Variants in DPP3 observed in about 807,000 individuals in gnomAD.
DPP3 encodes the protein DPP III.
In DPP3, 64 loss-of-function variants were observed where a neutral mutation model predicts 89.8. The ratio of observed to expected loss-of-function variants is 0.71; its 90% CI spans 0.58 to 0.88. The LOEUF (loss-of-function observed/expected upper bound fraction) is 0.88. Among genes scored for constraint, DPP3 ranks in the 40% least tolerant of loss-of-function variants. The pLI, the probability that DPP3 is intolerant of heterozygous loss-of-function variation, is 0.00. For missense variants in DPP3, 835 were observed against 972.5 expected, an observed-to-expected ratio of 0.86 and a Z score of 1.88; for synonymous variants, 377 against 404.3, an observed-to-expected ratio of 0.93 and a Z score of 0.81.
At chr11:66,485,919 TTTC>T (rs1449606514) in intron 3 of DPP3, among the ~76,000 whole-genome samples, 1 of 122,732 alleles carries the variant, frequency 8.1e-6, no homozygotes, top group Non-Finnish European at 1.6e-5. Context: ...TAAATTTTCT[TTTC>T]TTTTCTTTTC....
intron 16 of DPP3, among the ~76,000 whole-genome samples, chr11:66,502,270 G>A (rs562366374): frequency 6.6e-5 from 10 of 151,214 alleles, no homozygotes; most frequent in African/African-American, 2.4e-4. Flanking sequence ...AGAAGCAGCT[G>A]AACTAACTCT....
chr11:66,490,145 T>TAAAA (rs201526861), intron 6 of DPP3, among the ~76,000 whole-genome samples: 2 of 94,824 alleles, frequency 2.1e-5, no homozygotes, highest in African/African-American at 6.7e-5. Flanking sequence ...AGATCCTATC[T>TAAAA]AAAAAAAAAA....
At position 66,495,769 on chromosome 11, in the gene DPP3, C is replaced by A; in HGVS notation, c.1698+19C>A. On this transcript the variant is annotated intron_variant, in intron 15 of 17. Coordinates refer to ENST00000531863, the MANE Select transcript of DPP3 (RefSeq NM_130443.4). ...GCGACAGGTAGGGCCTAGGTGGAGCCCCCTGGAGGCGGAAGGGAGCCTGCA... is the reference window on the plus strand; with the variant it reads ...GCGACAGGTAGGGCCTAGGTGGAGCACCCTGGAGGCGGAAGGGAGCCTGCA... The A allele has an allele frequency of 6.3e-7, 1 of 1,589,580 alleles. No individual in the cohort carries two copies. The highest frequency in any genetic ancestry group is 8.6e-7 in the Non-Finnish European group (1 of 1,168,690).
chr11:66,504,589 C>T (rs1301332915), intron 16 of DPP3, 23 bp from the exon 17 acceptor site: 1 of 1,592,570 alleles, frequency 6.3e-7, no homozygotes, highest in South Asian at 1.1e-5. Context: ...CCATCCTAGA[C>T]ATTTACTCCA....
intron 15 of DPP3, among the ~76,000 whole-genome samples, chr11:66,496,164 T>C (rs987453577): frequency 2.0e-5 from 3 of 152,248 alleles, no homozygotes; most frequent in Admixed American, 6.5e-5. Flanking sequence ...TTCGCATCCA[T>C]ACAGTGCCTA....
At chr11:66,491,142 G>A (rs769977245) in intron 6 of DPP3, 111 bp from the exon 7 acceptor site, 132 of 1,515,444 alleles carry the variant, frequency 8.7e-5, no homozygotes, top group Non-Finnish European at 1.2e-4. Flanking sequence ...AAATCTTAGA[G>A]TGAAAGAGTG....
intron 9 of DPP3, among the ~76,000 whole-genome samples, chr11:66,492,175 G>A (rs1855410702): frequency 6.6e-6 from 1 of 152,224 alleles, no homozygotes; most frequent in African/African-American, 2.4e-5. Context: ...GAGCACCAAT[G>A]TGATTAGGAT....
At chr11:66,484,056 C>T (rs1365403715) in intron 2 of DPP3, among the ~76,000 whole-genome samples, 2 of 152,032 alleles carry the variant, frequency 1.3e-5, no homozygotes, top group Non-Finnish European at 2.9e-5. Context: ...CAGCTCACTG[C>T]AACCTCCAAC....
intron 16 of DPP3, among the ~76,000 whole-genome samples, chr11:66,502,535 T>TC (rs1464927176): frequency 6.6e-6 from 1 of 151,832 alleles, no homozygotes; most frequent in Non-Finnish European, 1.5e-5. Flanking sequence ...AGTGGCGTGA[T>TC]CTCAGCTCAC....
Position 66,509,250 on chromosome 11 carries a change from G to C in DPP3, c.2213G>C (p.Ter738SerextTer25). 1 of 1,607,390 alleles carries C rather than the reference G, an allele frequency of 6.2e-7. No individual in the cohort carries two copies. Among genetic ancestry groups the C allele is most frequent in the Non-Finnish European group, 8.5e-7 (1 of 1,176,760 alleles). ...AGTGAGGCCCCATCTGGCCAAGCTT[G>C]AGGAAGATGTGTGGCCTTGCCCCCA... ...GPSEAPSGQA[*>S] Residue 738 changes from the stop codon to serine, a stop_lost, in exon 18 of 18, where the codon TGA becomes TCA. Transcript: ENST00000531863.
intron 1 of DPP3, chr11:66,481,105 G>A (rs1288131577): frequency 1.3e-5 from 2 of 152,238 alleles, no homozygotes; most frequent in Non-Finnish European, 2.9e-5. Flanking sequence ...TGACTTTTAG[G>A]AGTCTGGGGC....
At chr11:66,481,049 T>C in intron 1 of DPP3, 1 of 152,136 alleles carries the variant, frequency 6.6e-6, no homozygotes, top group East Asian at 1.9e-4. Context: ...TATTCTCTCT[T>C]TTATAGAGGA....
intron 17 of DPP3, among the ~76,000 whole-genome samples, chr11:66,508,345 G>T (rs2134759257): frequency 6.6e-6 from 1 of 152,294 alleles, no homozygotes; most frequent in African/African-American, 2.4e-5. Flanking sequence ...CCCTCGATGT[G>T]TGACTATGTC....
At chr11:66,483,019 CTTTTTTA>C (rs1356268643) in intron 2 of DPP3, 3 of 139,818 alleles carry the variant, frequency 2.1e-5, no homozygotes, top group Non-Finnish European at 3.1e-5. Context: ...CTTTCTCTCT[CTTTTTTA>C]TTTTTTATTT....
chr11:66,502,913 A>G (rs1855715644), intron 16 of DPP3, among the ~76,000 whole-genome samples: 2 of 150,360 alleles, frequency 1.3e-5, no homozygotes, highest in Non-Finnish European at 3.0e-5. Flanking sequence ...GTTTGTTTTA[A>G]TATTCTTTAC....
At position 66,509,612 on chromosome 11, in the gene DPP3, A is replaced by T. The variant is rs1855896598; in HGVS notation, c.*361A>T. The T allele has an allele frequency of 1.6e-6, 1 of 608,940 alleles. No individual in the cohort carries two copies. The highest frequency in any genetic ancestry group is 3.0e-6 in the Non-Finnish European group (1 of 334,262). 37.7% of individuals were successfully genotyped at this position (608,940 alleles called of 1,614,324 possible). On this transcript the variant is annotated 3_prime_UTR_variant, in exon 18 of 18. Transcript: ENST00000531863. Reference sequence around the variant, plus strand: ...TCTCACCAAATCCAATGCTCCTCACATATTAATTTTATAACCAGACAAATA... The same window carrying T: ...TCTCACCAAATCCAATGCTCCTCACTTATTAATTTTATAACCAGACAAATA...
intron 1 of DPP3, 175 bp from the exon 2 acceptor site, chr11:66,482,018 G>A: frequency 1.1e-6 from 1 of 887,272 alleles, no homozygotes; most frequent in Non-Finnish European, 1.7e-6. Flanking sequence ...GTGACCCCTT[G>A]GGTGAGTCAT....
rs370171061 is a variant in DPP3, at chr11:66,509,158, T to C, written c.2121T>C (p.Asp707=). ...IRSFSERFPE[D]GPELEEILTQ... is the part of the protein sequence containing the mutation. ...CCTTCTCTGAGCGTTTCCCAGAGGA[T>C]GGACCCGAGTTGGAGGAGATCCTCA... The change falls in exon 18 of 18, where the codon GAT becomes GAC. Residue 707 remains aspartate, a synonymous_variant. Transcript: ENST00000531863. 5.0e-6 allele frequency: 8 copies of C among 1,614,062 alleles called. No individual in the cohort carries two copies. Among genetic ancestry groups the C allele is most frequent in the African/African-American group, 4.0e-5 (3 of 74,934 alleles).
chr11:66,496,968 A>G (rs912075519), intron 15 of DPP3, among the ~76,000 whole-genome samples: 7 of 152,152 alleles, frequency 4.6e-5, no homozygotes, highest in African/African-American at 1.7e-4. Flanking sequence ...TGGAGGGGGT[A>G]GCTGCTGTCC....
Sources: allele counts gnomAD v4.1 joint callset (sites outside exome capture counted in the v4.1 genomes callset), GRCh38; gene constraint gnomAD v4.1.1; transcripts MANE v1.5; gene names NCBI Gene and HGNC (gene_info 2026-07-23, HGNC 2026-07-21).